Variants in KANSL2 observed in about 807,000 individuals in gnomAD.
The protein encoded by KANSL2 is KAT8 regulatory NSL complex subunit 2.
KANSL2 carries 34 observed loss-of-function variants against 55.6 expected under a neutral mutation model. That is an observed-to-expected ratio of 0.61 (90% CI 0.46 to 0.81). The LOEUF (loss-of-function observed/expected upper bound fraction) is 0.81, where lower values mean the gene tolerates loss of function less well. Among genes scored for constraint, KANSL2 ranks in the 40% least tolerant of loss-of-function variants. KANSL2 has a pLI of 0.00. For synonymous variants in KANSL2, 209 were observed against 214.3 expected (o/e 0.98, Z 0.22); for missense variants, 502 against 609.9 (o/e 0.82, Z 1.86).
chr12:48,659,766 T>C (rs1939455038), intron 8 of KANSL2, among the ~76,000 whole-genome samples: 1 of 152,354 alleles, frequency 6.6e-6, no homozygotes, highest in African/African-American at 2.4e-5. Flanking sequence ...TCAACTGATA[T>C]ATTTTTAAAG....
rs1489623218 is a variant in KANSL2 at position 48,681,399 on chromosome 12, C to T, written c.234G>A (p.Lys78=). 1.2e-6 allele frequency: 2 copies of T among 1,613,342 alleles called. No individual in the cohort carries two copies. The highest frequency in any genetic ancestry group is 1.7e-6 in the Non-Finnish European group (2 of 1,179,574). Reference sequence around the variant, plus strand: ...ATATATACCCATCTTTCTTCTCTGGCTTTGGGGCAGCATTGGGACATCTTT... The same window carrying T: ...ATATATACCCATCTTTCTTCTCTGGTTTTGGGGCAGCATTGGGACATCTTT... ...NGKRCPNAAP[K]PEKKDGVSFC... The change falls in exon 2 of 10, where the codon AAG becomes AAA. Residue 78 remains lysine (K), a synonymous_variant. Coordinates refer to ENST00000420613, the MANE Select transcript of KANSL2 (RefSeq NM_017822.4).
chr12:48,657,952 T>C (rs962195474), intron 8 of KANSL2, among the ~76,000 whole-genome samples: 4 of 151,552 alleles, frequency 2.6e-5, no homozygotes, highest in Non-Finnish European at 5.9e-5. Flanking sequence ...TAGCTTGGAA[T>C]GGGCACGGTG....
intron 1 of KANSL2, 126 bp from the exon 2 acceptor site, chr12:48,681,767 C>A (rs992028977): frequency 5.1e-6 from 6 of 1,183,830 alleles, no homozygotes; most frequent in Non-Finnish European, 7.4e-6. Flanking sequence ...CTCCGTAAGT[C>A]CCCGCCGCCC....
chr12:48,681,574 G>A lies in KANSL2; in HGVS notation c.59C>T (p.Pro20Leu), dbSNP rs948042576. Residue 20 changes from proline (P) to leucine (L), a missense_variant, in exon 2 of 10, where the codon CCC (proline) becomes CTC (leucine). Coordinates refer to ENST00000420613, the MANE Select transcript of KANSL2 (RefSeq NM_017822.4). ...PTNRGRITPV[P>L]RSQEPLSCAF... Reference sequence around the variant, plus strand: ...ACAAGACAGAGGTTCCTGAGACCTGGGCACTGGAGTGATCCTCCCCCGATT... The same window carrying A: ...ACAAGACAGAGGTTCCTGAGACCTGAGCACTGGAGTGATCCTCCCCCGATT... The A allele has an allele frequency of 6.2e-7, 1 of 1,613,858 alleles. No homozygotes were observed. Among genetic ancestry groups the A allele is most frequent in the South Asian group, 1.1e-5 (1 of 91,088 alleles).
At chr12:48,662,962 T>C (rs1592099910) in intron 7 of KANSL2, among the ~76,000 whole-genome samples, 1 of 152,344 alleles carries the variant, frequency 6.6e-6, no homozygotes. Flanking sequence ...CATTTCTGTA[T>C]TGTTCCCTTC....
intron 5 of KANSL2, among the ~76,000 whole-genome samples, chr12:48,670,198 CAAAA>C (rs55764309): frequency 1.9e-5 from 2 of 103,626 alleles, no homozygotes; most frequent in African/African-American, 7.4e-5. Context: ...GACTATATCA[CAAAA>C]AAAAAAAAAA....
At position 48,682,206 on chromosome 12, in the gene KANSL2, C is replaced by T. The variant is rs1355698252; in HGVS notation, c.-29G>A. The T allele has an allele frequency of 4.6e-6, 3 of 659,244 alleles. No homozygotes were observed. Among genetic ancestry groups the T allele is most frequent in the Non-Finnish European group, 5.5e-6 (2 of 363,210 alleles). 40.8% of individuals were successfully genotyped at this position (659,244 alleles called of 1,614,324 possible). ...TCTTACCTCAGGAGCTGCGCTGCGC[C>T]GCACTCTGCCGCGCCGCTCGCCCTT... On this transcript the variant is annotated 5_prime_UTR_variant, in exon 1 of 10. Coordinates refer to ENST00000420613, the MANE Select transcript of KANSL2 (RefSeq NM_017822.4).
At chr12:48,680,751 TG>T (rs1466516260) in intron 2 of KANSL2, among the ~76,000 whole-genome samples, 1 of 147,426 alleles carries the variant, frequency 6.8e-6, no homozygotes, top group Non-Finnish European at 1.5e-5. Flanking sequence ...CCGAGGCGGA[TG>T]GATCACCTGA....
rs1268132514 is a variant in KANSL2 at position 48,653,785 on chromosome 12, T to C, written c.*259A>G. 1 of 335,608 alleles carries C rather than the reference T, an allele frequency of 3.0e-6. No individual in the cohort carries two copies. The highest frequency in any genetic ancestry group is 2.1e-5 in the African/African-American group (1 of 47,164). The allele number at this position is 335,608 out of a possible 1,614,324, so 20.8% of individuals were successfully genotyped here. A position where few individuals can be genotyped will look rare whatever the true frequency, so the allele number is the denominator to read the frequency against. The stretch of plus-strand genomic sequence containing the variant: ...CTTGGGAAATCCCATTACAAAGATG[T>C]CACTTTCCTTTTAGGTATAGTCCCA... On this transcript the variant is annotated 3_prime_UTR_variant, in exon 10 of 10. Coordinates refer to ENST00000420613, the MANE Select transcript of KANSL2 (RefSeq NM_017822.4).
chr12:48,680,585 T>G (rs1036360649), intron 2 of KANSL2, among the ~76,000 whole-genome samples: 1 of 152,222 alleles, frequency 6.6e-6, no homozygotes, highest in African/African-American at 2.4e-5. Flanking sequence ...ATGAAAACTA[T>G]GAAGCCTCTT....
Position 48,667,798 on chromosome 12 carries a change from G to T in KANSL2, c.877-9C>A. ...GAACGAGTGGTATGGGCCTGAAATG[G>T]AAAAAGACAGATAAAATAGACCCAC... On this transcript the variant is annotated splice_polypyrimidine_tract_variant and intron_variant, in intron 6 of 9. Coordinates refer to ENST00000420613, the MANE Select transcript of KANSL2 (RefSeq NM_017822.4). 6.3e-7 allele frequency: 1 copy of T among 1,595,180 alleles called. No homozygotes were observed. The highest frequency in any genetic ancestry group is 8.6e-7 in the Non-Finnish European group (1 of 1,163,678).
At chr12:48,681,742 T>A (rs993987866) in intron 1 of KANSL2, 101 bp from the exon 2 acceptor site, 27 of 1,470,038 alleles carry the variant, frequency 1.8e-5, no homozygotes, top group Non-Finnish European at 2.4e-5. Context: ...GCAGAAGTCG[T>A]CCCCGTAAGG....
At chr12:48,673,814 G>A (rs931276935) in intron 4 of KANSL2, among the ~76,000 whole-genome samples, 20 of 152,090 alleles carry the variant, frequency 1.3e-4, no homozygotes, top group Admixed American at 7.2e-4. Context: ...AGCTGGGCAC[G>A]GTGGTGTATA....
chr12:48,671,732 C>T, intron 5 of KANSL2, 67 bp downstream of exon 5: 2 of 1,465,494 alleles, frequency 1.4e-6, no homozygotes, highest in Non-Finnish European at 9.3e-7. Context: ...TTAAGTGACA[C>T]ATGACTGTAC....
chr12:48,671,999 CAATAAT>C (rs529672685), intron 4 of KANSL2, 37 bp from the exon 5 acceptor site: 230 of 1,509,142 alleles, frequency 1.5e-4, no homozygotes, highest in South Asian at 1.5e-3. Context: ...CATAAGAAAA[CAATAAT>C]AATAAAACCC....
Position 48,654,142 on chromosome 12 carries a change from A to C in KANSL2, c.1381T>G (p.Ser461Ala), listed in dbSNP as rs749582872. 4.2e-5 allele frequency: 68 copies of C among 1,611,898 alleles called. No individual in the cohort carries two copies. The highest frequency in any genetic ancestry group is 5.3e-5 in the Non-Finnish European group (63 of 1,179,246). ...QMQMAGDGCR[S>A]QGSRNSEKAS... ...TTCTCAGAATTTCGAGATCCCTGGG[A>C]TCTGCACCCATCTCCAGCCATCTGC... The change falls in exon 10 of 10, where the codon TCC becomes GCC. Residue 461 changes from serine to alanine, a missense_variant. Transcript: ENST00000420613.
chr12:48,675,337 C>A (rs1208216967), intron 4 of KANSL2, among the ~76,000 whole-genome samples: 1 of 152,104 alleles, frequency 6.6e-6, no homozygotes, highest in Non-Finnish European at 1.5e-5. Context: ...ACCCAGGAGG[C>A]AAAGGTTGCA....
Position 48,660,510 on chromosome 12 carries a change from T to C in KANSL2, c.1083A>G (p.Pro361=), listed in dbSNP as rs778048394. 10 of 1,613,694 alleles carry C rather than the reference T, an allele frequency of 6.2e-6. No homozygotes were observed. The highest frequency in any genetic ancestry group is 6.8e-6 in the Non-Finnish European group (8 of 1,179,818). ...PVSLSEDPCC[P]LHFQLPPQMY... Reference sequence around the variant, plus strand: ...TCTGAGGAGGCAACTGGAAATGCAGTGGGCAGCAGGGATCCTCAGAGAGGC... The same window carrying C: ...TCTGAGGAGGCAACTGGAAATGCAGCGGGCAGCAGGGATCCTCAGAGAGGC... Residue 361 remains proline, a synonymous_variant, in exon 8 of 10, where the codon CCA becomes CCG. Transcript: ENST00000420613.
intron 7 of KANSL2, among the ~76,000 whole-genome samples, chr12:48,661,037 C>G (rs1291601454): frequency 1.3e-5 from 2 of 152,170 alleles, no homozygotes; most frequent in Non-Finnish European, 2.9e-5. Flanking sequence ...TCTCTGCTCC[C>G]TTAGCAGACT....
Sources: allele counts gnomAD v4.1 joint callset (sites outside exome capture counted in the v4.1 genomes callset), GRCh38; gene constraint gnomAD v4.1.1; transcripts MANE v1.5; gene names NCBI Gene and HGNC (gene_info 2026-07-23, HGNC 2026-07-21).